The following APC variants were observed in gnomAD, a reference collection of about 807,000 sequenced individuals.
The protein encoded by APC is APC regulator of Wnt signaling pathway.
In APC, 72 loss-of-function variants were observed where a neutral mutation model predicts 247.0. The ratio of observed to expected loss-of-function variants is 0.29; its 90% CI spans 0.24 to 0.35. APC has a LOEUF of 0.35. Ranked by LOEUF, APC falls within the 10% of genes least tolerant of loss-of-function variation. APC has a pLI of 1.00. For synonymous variants in APC, 1,254 were observed against 1,162.5 expected, an observed-to-expected ratio of 1.08 and a Z score of -1.60; for missense variants, 3,400 against 3,360.7, an observed-to-expected ratio of 1.01 and a Z score of -0.29.
rs1014119740 is a variant in APC, at chr5:112,713,361, C to T, written c.165+5479C>T. Among the ~76,000 whole-genome samples the T allele has an allele frequency of 3.3e-5, 5 of 150,904 alleles. 1 individual carries two copies. The highest frequency in any genetic ancestry group is 2.0e-4 in the Admixed American group (3 of 15,264). ...TTGCAGATGGCTCTGCTCCAGGCAT[C>T]ACATTCTCCAAAGACAGGTGGAAGT... On this transcript the variant is annotated intron_variant, in intron 1 of 13. Coordinates refer to the APC transcript ENST00000507379.
At chr5:112,734,167 T>C (rs1442287387), upstream of APC, among the ~76,000 whole-genome samples, 1 of 152,152 alleles carries the variant, frequency 6.6e-6, no homozygotes, top group East Asian at 1.9e-4. Flanking sequence ...CACTCCAGCC[T>C]GGGTGACAGA....
intron 6 of APC, among the ~76,000 whole-genome samples, chr5:112,781,898 C>T (rs1439327140): frequency 2.0e-5 from 3 of 152,050 alleles, no homozygotes; most frequent in Non-Finnish European, 2.9e-5. Context: ...GGATTACAGG[C>T]GTGCGCCACC....
chr5:112,839,558 G>A lies in APC; in HGVS notation c.3964G>A (p.Glu1322Lys), dbSNP rs752926571. 1.8e-5 allele frequency: 29 copies of A among 1,614,060 alleles called. No individual in the cohort carries two copies. The highest frequency in any genetic ancestry group is 5.0e-5 in the Admixed American group (3 of 60,004). Reference protein sequence around the residue: ...GTRSAEDPVSEVPAVSQHPRT... With the variant: ...GTRSAEDPVSKVPAVSQHPRT... ...TAGGTCAGCTGAAGATCCTGTGAGC[G>A]AAGTTCCAGCAGTGTCACAGCACCC... The change falls in exon 16 of 16, where the codon GAA becomes AAA. Residue 1322 changes from glutamate (E) to lysine (K), a missense_variant. Physicochemically the swap from Glu to Lys is moderately conservative, Grantham distance 56. Coordinates refer to ENST00000257430, the MANE Select transcript of APC (RefSeq NM_000038.6). This position sits in a 1 kb window ranked among gnomAD's most constrained non-coding sequence, Gnocchi z 5.0.
chr5:112,803,793 CTATT>C (rs1399291548), intron 8 of APC, among the ~76,000 whole-genome samples: 1 of 152,146 alleles, frequency 6.6e-6, no homozygotes, highest in Non-Finnish European at 1.5e-5. Context: ...AATTACATCT[CTATT>C]TATGTAAAGA....
rs985852224 is a variant in APC at position 112,738,362 on chromosome 5, A to C, written c.-19+437A>C. Reference sequence around the variant, plus strand: ...CCTCCCTGGCGACAAGGACACATGCATTGGTGGCCAAAAGAGAGAGGAGAC... The same window carrying C: ...CCTCCCTGGCGACAAGGACACATGCCTTGGTGGCCAAAAGAGAGAGGAGAC... On this transcript the variant is annotated intron_variant, in intron 1 of 15. Coordinates refer to ENST00000257430, the MANE Select transcript of APC (RefSeq NM_000038.6). The C allele has an allele frequency of 1.5e-5, 15 of 985,604 alleles. No individual in the cohort carries two copies. The South Asian group carries it at 3.8e-4, about 25-fold the overall frequency. 61.1% of individuals were successfully genotyped at this position (985,604 alleles called of 1,614,324 possible).
At position 112,839,552 on chromosome 5, in the gene APC, G is replaced by T; in HGVS notation, c.3958G>T (p.Val1320Leu). 1 of 1,614,188 alleles carries T rather than the reference G, an allele frequency of 6.2e-7. No homozygotes were observed. Among genetic ancestry groups the T allele is most frequent in the Non-Finnish European group, 8.5e-7 (1 of 1,180,026 alleles). Residue 1320 changes from valine to leucine, a missense_variant, in exon 16 of 16, where the codon GTG (valine) becomes TTG (leucine). Physicochemically the swap from Val to Leu is conservative, Grantham distance 32 (BLOSUM62 1). Coordinates refer to ENST00000257430, the MANE Select transcript of APC (RefSeq NM_000038.6). The surrounding 1 kb of genome is among the most constrained non-coding windows in gnomAD (Gnocchi z 5.0). ...TGGAACTAGGTCAGCTGAAGATCCT[G>T]TGAGCGAAGTTCCAGCAGTGTCACA... ...KIGTRSAEDPVSEVPAVSQHP... is the reference protein window; with the variant it reads ...KIGTRSAEDPLSEVPAVSQHP...
Position 112,840,413 on chromosome 5 carries a change from A to G in APC, c.4819A>G (p.Arg1607Gly), listed in dbSNP as rs1580653022. 2 of 1,614,120 alleles carry G rather than the reference A, an allele frequency of 1.2e-6. No individual in the cohort carries two copies. The highest frequency in any genetic ancestry group is 4.5e-5 in the East Asian group (2 of 44,902). Reference sequence around the variant, plus strand: ...TTCAAAATTACCTCCACCTGTGGCAAGGAAACCAAGTCAGCTGCCTGTGTA... The same window carrying G: ...TTCAAAATTACCTCCACCTGTGGCAGGGAAACCAAGTCAGCTGCCTGTGTA... The part of the protein sequence containing the change: ...TASKLPPPVA[R>G]KPSQLPVYKL... The change falls in exon 16 of 16, where the codon AGG (arginine) becomes GGG (glycine). Residue 1607 changes from arginine (R) to glycine (G), a missense_variant. Arg to Gly is a moderately radical substitution (Grantham distance 125). Coordinates refer to ENST00000257430, the MANE Select transcript of APC (RefSeq NM_000038.6). This position sits in a 1 kb window ranked among gnomAD's most constrained non-coding sequence, Gnocchi z 4.1.
intron 1 of APC, among the ~76,000 whole-genome samples, chr5:112,720,044 C>T (rs1467865754): frequency 1.3e-5 from 2 of 152,156 alleles, no homozygotes; most frequent in African/African-American, 4.8e-5. Context: ...CAAACAGATA[C>T]ATTAGAAATT....
chr5:112,792,403 A>T (rs2149683745), intron 6 of APC, 43 bp from the exon 7 acceptor site: 1 of 1,314,996 alleles, frequency 7.6e-7, no homozygotes, highest in South Asian at 1.3e-5. Context: ...TATTAATATT[A>T]TTAATAAAAA....
At chr5:112,794,879 A>G (rs976423565) in intron 7 of APC, among the ~76,000 whole-genome samples, 1 of 152,190 alleles carries the variant, frequency 6.6e-6, no homozygotes, top group Admixed American at 6.5e-5. Context: ...CAGTTTTATT[A>G]TAAGGATACA....
chr5:112,810,838 A>C (rs1385373008), intron 8 of APC, among the ~76,000 whole-genome samples: 3 of 152,210 alleles, frequency 2.0e-5, no homozygotes, highest in African/African-American at 7.2e-5. Flanking sequence ...CAGCCTGGCC[A>C]ACATGGTGAA....
intron 1 of APC, among the ~76,000 whole-genome samples, chr5:112,723,952 G>A (rs1247309188): frequency 1.3e-5 from 2 of 151,932 alleles, no homozygotes; most frequent in East Asian, 3.9e-4. Flanking sequence ...TTAGAAATGA[G>A]AACAAAATTC....
chr5:112,777,404 G>C (rs1036465696), intron 5 of APC, among the ~76,000 whole-genome samples: 9 of 152,128 alleles, frequency 5.9e-5, no homozygotes, highest in African/African-American at 2.4e-5. Context: ...CTCTCATGCA[G>C]TGGATATAAT....
At chr5:112,738,323 G>C (rs1249788413) in intron 1 of APC, 3 of 985,400 alleles carry the variant, frequency 3.0e-6, no homozygotes, top group Admixed American at 1.2e-4. Context: ...CTACCCCATT[G>C]AAAGGCTTCT....
intron 14 of APC, among the ~76,000 whole-genome samples, chr5:112,830,733 C>G (rs978370359): frequency 1.3e-5 from 2 of 152,084 alleles, no homozygotes; most frequent in Admixed American, 1.3e-4. Context: ...TTGATACATG[C>G]AGTAATCTGT....
chr5:112,770,275 GA>G (rs1252350175), intron 4 of APC, among the ~76,000 whole-genome samples: 1 of 152,030 alleles, frequency 6.6e-6, no homozygotes, highest in African/African-American at 2.4e-5. Flanking sequence ...CTAAATCTAG[GA>G]AAAGCTTATT....
At chr5:112,810,277 G>A (rs1184625032) in intron 8 of APC, 2 of 352,988 alleles carry the variant, frequency 5.7e-6, no homozygotes, top group Non-Finnish European at 1.1e-5. Context: ...GAACTCTGAT[G>A]TCACAGCAAA....
intron 1 of APC, among the ~76,000 whole-genome samples, chr5:112,723,924 G>T (rs1751625275): frequency 6.6e-6 from 1 of 152,042 alleles, no homozygotes; most frequent in Admixed American, 6.6e-5. Context: ...AATTTTGGGG[G>T]GGTCCAGGGT....
At chr5:112,808,640 T>A (rs1761670229) in intron 8 of APC, among the ~76,000 whole-genome samples, 1 of 152,044 alleles carries the variant, frequency 6.6e-6, no homozygotes, top group African/African-American at 2.4e-5. Context: ...CTCAAACTGA[T>A]CTCAAGCAGT....
Sources: gnomAD v4.1 joint callset for allele counts (sites outside exome capture counted in the v4.1 genomes callset) on GRCh38, gnomAD v4.1.1 for gene constraint, Gnocchi (gnomAD v3.1) non-coding constraint, MANE v1.5 for transcripts, NCBI Gene and HGNC (gene_info 2026-07-23, HGNC 2026-07-21) for gene names.